The following SGCD variants were observed in gnomAD, a reference collection of about 807,000 sequenced individuals.
SGCD encodes delta-sarcoglycan.
SGCD carries 18 observed loss-of-function variants against 36.6 expected under a neutral mutation model. The ratio of observed to expected loss-of-function variants is 0.49; its 90% CI spans 0.34 to 0.73. SGCD has a LOEUF of 0.73. Ranked by LOEUF, SGCD falls within the 30% of genes least tolerant of loss-of-function variation. The pLI is 0.01. For synonymous variants in SGCD, 133 were observed against 130.6 expected (o/e 1.02, Z -0.12); for missense variants, 387 against 346.7 (o/e 1.12, Z -0.92).
At chr5:156,107,196 C>T (rs1487005354) in intron 1 of SGCD, among the ~76,000 whole-genome samples, 1 of 152,130 alleles carries the variant, frequency 6.6e-6, no homozygotes, top group Non-Finnish European at 1.5e-5. Context: ...GCAATTATGA[C>T]TAATTTCTAA....
the SGCD span, among the ~76,000 whole-genome samples, chr5:155,851,107 T>C: frequency 6.6e-6 from 1 of 152,216 alleles, no homozygotes; most frequent in Non-Finnish European, 1.5e-5. Flanking sequence ...TTTCTCTTTC[T>C]GAGAAATTTA....
At chr5:155,946,473 A>G (rs1443980253) in intron 1 of SGCD, among the ~76,000 whole-genome samples, 2 of 152,094 alleles carry the variant, frequency 1.3e-5, no homozygotes, top group African/African-American at 4.8e-5. Flanking sequence ...AAGTGGTTAT[A>G]TGGTTGATAA....
At chr5:156,626,983 G>A (rs1013368618) in intron 6 of SGCD, among the ~76,000 whole-genome samples, 1 of 152,162 alleles carries the variant, frequency 6.6e-6, no homozygotes, top group Non-Finnish European at 1.5e-5. Flanking sequence ...ATAGTTTGAT[G>A]TATTTCTTTA....
chr5:156,239,901 T>C (rs1474618701), intron 3 of SGCD, among the ~76,000 whole-genome samples: 2 of 152,210 alleles, frequency 1.3e-5, no homozygotes, highest in Non-Finnish European at 1.5e-5. Flanking sequence ...CCTTTATTTG[T>C]GCTTTTATGG....
chr5:155,735,203 G>A, the SGCD span, among the ~76,000 whole-genome samples: 159 of 152,296 alleles, frequency 1.0e-3, no homozygotes, highest in African/African-American at 3.7e-3. Flanking sequence ...CGTCCCTAGA[G>A]GCTCCAGTTC....
At chr5:156,003,008 A>T (rs1323193741) in intron 1 of SGCD, among the ~76,000 whole-genome samples, 1 of 152,154 alleles carries the variant, frequency 6.6e-6, no homozygotes, top group Admixed American at 6.5e-5. Flanking sequence ...AGTTTTTGCC[A>T]TGGTCAAGGA....
rs1276442287 is a variant in SGCD at position 156,378,958 on chromosome 5, T to A, written c.192+34281T>A. Among the ~76,000 whole-genome samples the A allele has an allele frequency of 2.0e-5, 3 of 152,202 alleles. No homozygotes were observed. In the East Asian group the frequency reaches 5.8e-4, roughly 29 times the overall value. On this transcript the variant is annotated intron_variant, in intron 3 of 8. Transcript: ENST00000337851. ...CCTTTTATGATGAATCACTTTTTAA[T>A]CCATTCAGTCATTGAATGTCTACCA...
At chr5:155,911,319 G>GTGTGTGTATATATATA (rs145927722) in intron 1 of SGCD, among the ~76,000 whole-genome samples, 1 of 141,380 alleles carries the variant, frequency 7.1e-6, no homozygotes, top group Admixed American at 7.2e-5. Context: ...GTGTGTGTGT[G>GTGTGTGTATATATATA]TATATATATA....
At chr5:156,009,671 C>A (rs149490468) in intron 1 of SGCD, among the ~76,000 whole-genome samples, 87 of 152,256 alleles carry the variant, frequency 5.7e-4, no homozygotes, top group African/African-American at 2.0e-3. Flanking sequence ...GCCAACAATT[C>A]ACTTGCTTCT....
intron 3 of SGCD, among the ~76,000 whole-genome samples, chr5:156,139,300 C>A (rs1161733168): frequency 1.3e-5 from 2 of 152,248 alleles, no homozygotes; most frequent in East Asian, 1.9e-4. Flanking sequence ...AATATTATAT[C>A]TCTAGCTTTA....
At chr5:155,950,374 C>T (rs1225326939) in intron 1 of SGCD, among the ~76,000 whole-genome samples, 2 of 152,164 alleles carry the variant, frequency 1.3e-5, no homozygotes, top group African/African-American at 4.8e-5. Context: ...ATTGAACTGT[C>T]TTAGGTCCTA....
At chr5:155,805,715 T>A in the SGCD span, among the ~76,000 whole-genome samples, 2 of 152,196 alleles carry the variant, frequency 1.3e-5, no homozygotes, top group Non-Finnish European at 2.9e-5. Context: ...CTGTGACATA[T>A]GGGACGATGG....
chr5:156,351,366 A>G (rs776123976), intron 3 of SGCD, among the ~76,000 whole-genome samples: 4 of 152,164 alleles, frequency 2.6e-5, no homozygotes, highest in Non-Finnish European at 5.9e-5. Flanking sequence ...CCTTCATGAC[A>G]GTATAGTAGT....
chr5:156,227,840 T>C (rs1484764935), intron 3 of SGCD, among the ~76,000 whole-genome samples: 1 of 152,148 alleles, frequency 6.6e-6, no homozygotes, highest in African/African-American at 2.4e-5. Context: ...ATAGGTTGTG[T>C]CACTATTGTC....
At chr5:156,269,469 CAAAAAAAAAAAAAAAAAA>C (rs60893052) in intron 3 of SGCD, among the ~76,000 whole-genome samples, 53 of 30,470 alleles carry the variant, frequency 1.7e-3, no homozygotes, top group African/African-American at 5.0e-3. Context: ...GACTCCGTCT[CAAAAAAAAAAAAAAAAAA>C]AAAAAAAAAA....
At chr5:155,940,800 G>A (rs981669098) in intron 1 of SGCD, among the ~76,000 whole-genome samples, 4 of 151,900 alleles carry the variant, frequency 2.6e-5, no homozygotes, top group African/African-American at 7.3e-5. Context: ...AGCCAAGATC[G>A]TGCCACTGCA....
At chr5:156,197,483 T>C (rs1026136308) in intron 3 of SGCD, among the ~76,000 whole-genome samples, 1 of 151,686 alleles carries the variant, frequency 6.6e-6, no homozygotes, top group Non-Finnish European at 1.5e-5. Context: ...TTTTTTTTTT[T>C]TTTTGGCTAA....
At chr5:156,518,486 G>A (rs1254908773) in intron 4 of SGCD, among the ~76,000 whole-genome samples, 1 of 152,090 alleles carries the variant, frequency 6.6e-6, no homozygotes, top group African/African-American at 2.4e-5. Context: ...GATCAAGTGG[G>A]CCTGATAGAT....
chr5:156,353,621 G>C (rs988079557), intron 3 of SGCD, among the ~76,000 whole-genome samples: 7 of 152,302 alleles, frequency 4.6e-5, no homozygotes, highest in South Asian at 2.1e-4. Context: ...CTTCAATGCG[G>C]GTGCCAGCTT....
Sources: gnomAD v4.1 joint callset for allele counts (sites outside exome capture counted in the v4.1 genomes callset) on GRCh38, gnomAD v4.1.1 for gene constraint, MANE v1.5 for transcripts, NCBI Gene and HGNC (gene_info 2026-07-23, HGNC 2026-07-21) for gene names.